CACNA1A: variants seen among roughly 807,000 people sequenced by gnomAD.
CACNA1A encodes the protein voltage-dependent P/Q-type calcium channel subunit alpha-1A.
In CACNA1A, 57 loss-of-function variants were observed where a neutral mutation model predicts 262.4. That is an observed-to-expected ratio of 0.22 (90% CI 0.18 to 0.27). The LOEUF (loss-of-function observed/expected upper bound fraction) is 0.27, where lower values mean the gene tolerates loss of function less well. CACNA1A is among the 10% of genes least tolerant of loss of function. The probability of loss-of-function intolerance (pLI) is 1.00; values close to 1 mark genes in which losing one functional copy is unlikely to be tolerated. For synonymous variants in CACNA1A, 1,431 were observed against 1,419.3 expected, an observed-to-expected ratio of 1.01 and a Z score of -0.18; for missense variants, 2,526 against 3,562.8, an observed-to-expected ratio of 0.71 and a Z score of 7.41.
chr19:13,311,836 C>CAAAAACAAAAAAT (rs202015238), intron 12 of CACNA1A, among the ~76,000 whole-genome samples: 34,811 of 148,732 alleles, frequency 0.23, 4,315 homozygotes, highest in East Asian at 0.34. Context: ...GACTCCATCT[C>CAAAAACAAAAAAT]AAAAACAAAA....
intron 15 of CACNA1A, among the ~76,000 whole-genome samples, chr19:13,305,643 C>T (rs2057884072): frequency 6.6e-6 from 1 of 152,180 alleles, no homozygotes; most frequent in East Asian, 1.9e-4. Flanking sequence ...GCCAGTAGCA[C>T]CCTCTCCCTA....
At position 13,359,695 on chromosome 19, in the gene CACNA1A, C is replaced by T. The variant is rs1168625480; in HGVS notation, c.889G>A (p.Gly297Arg). ...AGGATGTTGTCGAACTGAGTGATCC[C>T]GTTGTTGGGCCCTTCCCAGTAGGGC... ...CQPYWEGPNN[G>R]ITQFDNILFA... Residue 297 changes from glycine (G) to arginine (R), a missense_variant, in exon 6 of 47, where the codon GGG becomes AGG. Gly to Arg is a moderately radical substitution (Grantham distance 125). Coordinates refer to ENST00000360228, the MANE Select transcript of CACNA1A (RefSeq NM_001127222.2). 1 of 1,600,998 alleles carries T rather than the reference C, an allele frequency of 6.2e-7. No homozygotes were observed. The highest frequency in any genetic ancestry group is 8.5e-7 in the Non-Finnish European group (1 of 1,173,700).
At chr19:13,440,733 C>T (rs1173439955) in intron 3 of CACNA1A, among the ~76,000 whole-genome samples, 1 of 152,174 alleles carries the variant, frequency 6.6e-6, no homozygotes, top group Non-Finnish European at 1.5e-5. Context: ...ATCCATAAAC[C>T]CAGCCCAGCA....
intron 3 of CACNA1A, among the ~76,000 whole-genome samples, chr19:13,413,886 AAAG>A (rs201650571): frequency 1.0e-5 from 1 of 96,784 alleles, no homozygotes; most frequent in African/African-American, 5.2e-5. Flanking sequence ...GTCAAGAAAG[AAAG>A]AAAGAAAAAG....
At chr19:13,222,305 G>A (rs756761224) in intron 38 of CACNA1A, among the ~76,000 whole-genome samples, 12 of 151,840 alleles carry the variant, frequency 7.9e-5, no homozygotes, top group Non-Finnish European at 1.8e-4. Flanking sequence ...GCCTCCCAGC[G>A]TGCTCAGATT....
intron 6 of CACNA1A, among the ~76,000 whole-genome samples, chr19:13,358,404 A>G (rs1157398644): frequency 6.6e-6 from 1 of 152,218 alleles, no homozygotes; most frequent in Non-Finnish European, 1.5e-5. Flanking sequence ...TGTCTCTACA[A>G]AAATTAGCTG....
chr19:13,469,465 T>C (rs938421990), intron 1 of CACNA1A, among the ~76,000 whole-genome samples: 3 of 133,396 alleles, frequency 2.2e-5, no homozygotes, highest in Non-Finnish European at 4.8e-5. Flanking sequence ...CACCTCTTTT[T>C]TTTTTTTTTT....
intron 1 of CACNA1A, among the ~76,000 whole-genome samples, chr19:13,480,635 C>T (rs1979170960): frequency 6.6e-6 from 1 of 152,022 alleles, no homozygotes; most frequent in Admixed American, 6.6e-5. Context: ...TCGAGATCAA[C>T]CTGAGCAACA....
chr19:13,304,659 C>CA (rs34159456), intron 15 of CACNA1A, among the ~76,000 whole-genome samples: 15,252 of 103,252 alleles, frequency 0.15, 1,127 homozygotes, highest in East Asian at 0.25. Flanking sequence ...ATTTTTGTCT[C>CA]AAAAAAAAAA....
At chr19:13,226,321 A>C (rs1319925387) in intron 37 of CACNA1A, 1 of 135,352 alleles carries the variant, frequency 7.4e-6, no homozygotes, top group Non-Finnish European at 1.5e-5. Flanking sequence ...TCATTGTCTG[A>C]GATGCTGGTG....
chr19:13,283,529 A>T, intron 21 of CACNA1A, 133 bp from the exon 22 acceptor site: 1 of 1,176,074 alleles, frequency 8.5e-7, no homozygotes, highest in Non-Finnish European at 1.2e-6. Flanking sequence ...ACAAACTATT[A>T]AACTCCTCCA....
intron 38 of CACNA1A, among the ~76,000 whole-genome samples, chr19:13,221,058 T>C (rs941018406): frequency 1.3e-5 from 2 of 150,260 alleles, no homozygotes; most frequent in African/African-American, 4.9e-5. Context: ...CCTCCCTTCT[T>C]TCCCTCAAGA....
At chr19:13,250,782 G>A (rs1251024609) in intron 30 of CACNA1A, among the ~76,000 whole-genome samples, 1 of 152,156 alleles carries the variant, frequency 6.6e-6, no homozygotes, top group Non-Finnish European at 1.5e-5. Flanking sequence ...GCTTGTAAAT[G>A]CATAACAAAA....
chr19:13,501,851 T>C (rs1455875811), intron 1 of CACNA1A, among the ~76,000 whole-genome samples: 2 of 152,246 alleles, frequency 1.3e-5, no homozygotes, highest in African/African-American at 4.8e-5. Context: ...TTTACCTCTA[T>C]ATGAGCTCGT....
chr19:13,425,329 C>G lies in CACNA1A; in HGVS notation c.539+27547G>C, dbSNP rs17707107. Among the ~76,000 whole-genome samples, 835 of 152,304 alleles carry G rather than the reference C, an allele frequency of 5.5e-3. 4 individuals carry two copies. The highest frequency in any genetic ancestry group is 8.2e-3 in the Non-Finnish European group (558 of 68,026). Reference sequence around the variant, plus strand: ...CCACTTTTGCCCCAAGGGCATCTGTCTAACCCATGGAACTGCTGCTTCAAG... The same window carrying G: ...CCACTTTTGCCCCAAGGGCATCTGTGTAACCCATGGAACTGCTGCTTCAAG... On this transcript the variant is annotated intron_variant, in intron 3 of 46. Coordinates refer to ENST00000360228, the MANE Select transcript of CACNA1A (RefSeq NM_001127222.2).
chr19:13,348,152 G>A (rs2058828331), intron 6 of CACNA1A, among the ~76,000 whole-genome samples: 1 of 152,036 alleles, frequency 6.6e-6, no homozygotes. Flanking sequence ...TGAACTCCCG[G>A]TCTCAAGCAA....
chr19:13,223,933 A>G lies in CACNA1A; in HGVS notation c.5731+734T>C, dbSNP rs552882492. Among the ~76,000 whole-genome samples, 8 of 152,198 alleles carry G rather than the reference A, an allele frequency of 5.3e-5. No individual in the cohort carries two copies. The East Asian group carries it at 9.6e-4, about 18-fold the overall frequency. ...GTAATACCAGCATTTTGGGAGACCA[A>G]GGTGGGAGGACTGCTTGAGCCCAGG... On this transcript the variant is annotated intron_variant, in intron 38 of 46. Transcript: ENST00000360228.
At chr19:13,390,713 G>T (rs149252084) in intron 3 of CACNA1A, among the ~76,000 whole-genome samples, 37 of 151,866 alleles carry the variant, frequency 2.4e-4, no homozygotes, top group African/African-American at 8.7e-4. Flanking sequence ...TATTCTAAAT[G>T]ATTTATAAAT....
At chr19:13,471,975 T>C (rs1334459889) in intron 1 of CACNA1A, among the ~76,000 whole-genome samples, 1 of 152,170 alleles carries the variant, frequency 6.6e-6, no homozygotes, top group Non-Finnish European at 1.5e-5. Flanking sequence ...CAAAAATTAT[T>C]TTATTGAGAC....
Sources: gnomAD v4.1 joint callset for allele counts (sites outside exome capture counted in the v4.1 genomes callset) on GRCh38, gnomAD v4.1.1 for gene constraint, MANE v1.5 for transcripts, NCBI Gene and HGNC (gene_info 2026-07-23, HGNC 2026-07-21) for gene names.